The following CDON variants were observed in gnomAD, a reference collection of about 807,000 sequenced individuals.
CDON encodes cell adhesion associated, oncogene regulated, also known as cell adhesion molecule-related/down-regulated by oncogenes.
Under a neutral mutation model 120.9 loss-of-function variants are expected in CDON, and 73 were observed. That is an observed-to-expected ratio of 0.60 (90% confidence interval 0.50 to 0.73). The LOEUF (loss-of-function observed/expected upper bound fraction) is 0.73, where lower values mean the gene tolerates loss of function less well. Ranked by LOEUF, CDON falls within the 30% of genes least tolerant of loss-of-function variation. CDON has a pLI of 0.00. For synonymous variants in CDON, 566 were observed against 573.5 expected (o/e 0.99, Z 0.19); for missense variants, 1,470 against 1,587.3 (o/e 0.93, Z 1.26).
intron 13 of CDON, 149 bp downstream of exon 13, chr11:125,994,722 C>T: frequency 2.7e-6 from 2 of 733,616 alleles, no homozygotes; most frequent in South Asian, 1.5e-5. Context: ...AAAATATGTG[C>T]TCTTATTTAG....
intron 18 of CDON, among the ~76,000 whole-genome samples, chr11:125,970,173 T>TG (rs1491562700): frequency 5.8e-5 from 3 of 51,380 alleles, no homozygotes; most frequent in Admixed American, 5.3e-4. Context: ...GTAGTTTATG[T>TG]TTTTTTTTTT....
intron 10 of CDON, among the ~76,000 whole-genome samples, 182 bp downstream of exon 10, chr11:126,003,720 T>C (rs1019183785): frequency 2.0e-5 from 3 of 152,200 alleles, no homozygotes; most frequent in African/African-American, 7.2e-5. Context: ...CTCGGGAGGC[T>C]GAGGCCGGAG....
At chr11:125,970,612 G>A (rs957121967) in intron 18 of CDON, among the ~76,000 whole-genome samples, 6 of 152,180 alleles carry the variant, frequency 3.9e-5, no homozygotes, top group South Asian at 4.1e-4. Context: ...GGCCATGGCC[G>A]TCTTCCCTTC....
intron 1 of CDON, among the ~76,000 whole-genome samples, chr11:126,062,097 C>G (rs1036987456): frequency 2.0e-5 from 3 of 152,200 alleles, no homozygotes; most frequent in African/African-American, 7.2e-5. Flanking sequence ...CTCCCTGGGG[C>G]TGGGAAGTCA....
intron 1 of CDON, among the ~76,000 whole-genome samples, chr11:126,049,382 T>C (rs1948498719): frequency 6.6e-6 from 1 of 152,180 alleles, no homozygotes; most frequent in African/African-American, 2.4e-5. Context: ...GAGTTTTCCT[T>C]CTGTAGTATA....
intron 17 of CDON, 21 bp from the exon 18 acceptor site, chr11:125,978,404 G>C: frequency 1.3e-6 from 2 of 1,518,770 alleles, no homozygotes; most frequent in Non-Finnish European, 9.1e-7. Context: ...AGGAGTGTCA[G>C]AGAAAAAGAA....
intron 8 of CDON, 148 bp downstream of exon 8, chr11:126,010,193 C>G (rs980869844): frequency 9.3e-6 from 6 of 644,176 alleles, no homozygotes; most frequent in Non-Finnish European, 1.6e-5. Flanking sequence ...AAGTGAAATA[C>G]CAAGAAATAC....
intron 1 of CDON, among the ~76,000 whole-genome samples, chr11:126,037,760 T>C (rs1948140221): frequency 6.6e-6 from 1 of 152,168 alleles, no homozygotes; most frequent in Admixed American, 6.5e-5. Flanking sequence ...ATTTATCTCC[T>C]TTTCCCAGAG....
chr11:126,021,267 A>G lies in CDON; in HGVS notation c.330T>C (p.Pro110=), dbSNP rs35131477. The part of the protein sequence containing the change: ...NNSIGAIVSG[P]ATVSVAVLGD... ...ACTCACCTGCCACAGATACTGTCGC[A>G]GGGCCACTCACAATGGCACCGATGC... Residue 110 remains proline (P), a synonymous_variant, in exon 3 of 20, where the codon CCT becomes CCC. Transcript: ENST00000531738. The G allele has an allele frequency of 0.042, 67,728 of 1,614,038 alleles. 1,632 individuals are homozygous for G. The highest frequency in any genetic ancestry group is 0.067 in the Middle Eastern group (404 of 6,060).
At chr11:125,996,196 ACACACACAC>A in intron 12 of CDON, among the ~76,000 whole-genome samples, 1 of 151,546 alleles carries the variant, frequency 6.6e-6, no homozygotes, top group Non-Finnish European at 1.5e-5. Context: ...ACACACACAC[ACACACACAC>A]AAAGATGTAC....
intron 1 of CDON, among the ~76,000 whole-genome samples, chr11:126,042,901 G>A (rs1310592477): frequency 6.6e-6 from 1 of 152,212 alleles, no homozygotes; most frequent in Non-Finnish European, 1.5e-5. Flanking sequence ...AGGATTACAG[G>A]CGTGAGCCAC....
Position 126,005,890 on chromosome 11 carries a change from T to C in CDON, c.1720A>G (p.Ile574Val). Residue 574 changes from isoleucine to valine, a missense_variant, in exon 9 of 20, where the codon ATC (isoleucine) becomes GTC (valine). Ile to Val is a conservative substitution (Grantham distance 29, BLOSUM62 3). Coordinates refer to ENST00000531738, the MANE Select transcript of CDON (RefSeq NM_001378964.1). ...ATGATGGGGGCATCAGGAACAGAGA[T>C]GCCGCTGGCGTTTTTCTCTGGTGCT... ...ESAPEKNASG[I>V]SVPDAPIILS... 4 of 1,614,148 alleles carry C rather than the reference T, an allele frequency of 2.5e-6. No individual in the cohort carries two copies. The highest frequency in any genetic ancestry group is 3.4e-6 in the Non-Finnish European group (4 of 1,180,024).
At chr11:125,969,125 A>G (rs1945886584) in intron 18 of CDON, among the ~76,000 whole-genome samples, 1 of 152,168 alleles carries the variant, frequency 6.6e-6, no homozygotes, top group Non-Finnish European at 1.5e-5. Flanking sequence ...CAGCCTCCCG[A>G]GTAGCTGGGA....
At chr11:126,028,103 G>A (rs1284124859) in intron 1 of CDON, among the ~76,000 whole-genome samples, 10 of 150,486 alleles carry the variant, frequency 6.6e-5, no homozygotes, top group Non-Finnish European at 1.5e-4. Flanking sequence ...TTATATGTCG[G>A]TTTTACAAGA....
intron 4 of CDON, among the ~76,000 whole-genome samples, chr11:126,019,290 T>C (rs1333451513): frequency 1.3e-5 from 2 of 151,930 alleles, no homozygotes; most frequent in Non-Finnish European, 1.5e-5. Context: ...GAAATATGAA[T>C]AACACAGTAT....
chr11:126,042,708 G>A (rs1452184972), intron 1 of CDON, among the ~76,000 whole-genome samples: 3 of 152,246 alleles, frequency 2.0e-5, no homozygotes, highest in Admixed American at 2.0e-4. Context: ...TACAACCTCC[G>A]CCTCCCCAGT....
chr11:125,961,112 C>T lies in CDON; in HGVS notation c.3632-7G>A. 6.2e-7 allele frequency: 1 copy of T among 1,613,364 alleles called. No homozygotes were observed. The highest frequency in any genetic ancestry group is 1.1e-5 in the South Asian group (1 of 90,812). The stretch of plus-strand genomic sequence containing the variant: ...GAATGGGCACAGCTGTCTCCTGAAA[C>T]ACAGCAGGGTTTGGGAGCATTATCA... On this transcript the variant is annotated splice_polypyrimidine_tract_variant and splice_region_variant and intron_variant, in intron 19 of 19. Coordinates refer to ENST00000531738, the MANE Select transcript of CDON (RefSeq NM_001378964.1).
intron 2 of CDON, 129 bp from the exon 3 acceptor site, chr11:126,021,649 T>C: frequency 1.2e-6 from 1 of 823,790 alleles, no homozygotes; most frequent in Admixed American, 2.9e-5. Context: ...ATATATGTTA[T>C]GGTTCTTGAT....
Position 126,006,022 on chromosome 11 carries a change from T to A in CDON, c.1588A>T (p.Thr530Ser). The change falls in exon 9 of 20, where the codon ACA becomes TCA. Residue 530 changes from threonine to serine, a missense_variant. Coordinates refer to ENST00000531738, the MANE Select transcript of CDON (RefSeq NM_001378964.1). ...FETNTKAETV[T>S]LPDAAQNDDR... ...TCATTCTGAGCAGCATCAGGAAGTG[T>A]GACTGTCTCTGCTTTTGTATTTGTT... is the stretch of plus-strand genomic sequence containing the variant. 1 of 1,614,072 alleles carries A rather than the reference T, an allele frequency of 6.2e-7. No individual in the cohort carries two copies. The highest frequency in any genetic ancestry group is 8.5e-7 in the Non-Finnish European group (1 of 1,180,002).
Sources: allele counts gnomAD v4.1 joint callset (sites outside exome capture counted in the v4.1 genomes callset), GRCh38; gene constraint gnomAD v4.1.1; transcripts MANE v1.5; gene names NCBI Gene and HGNC (gene_info 2026-07-23, HGNC 2026-07-21).